MCC: variants seen among roughly 807,000 people sequenced by gnomAD.
MCC encodes the protein MCC regulator of Wnt signaling pathway, also known as colorectal mutant cancer protein.
A neutral mutation model predicts 116.2 loss-of-function variants in MCC; 90 were observed. The ratio of observed to expected loss-of-function variants is 0.77; its 90% CI spans 0.65 to 0.92. MCC has a LOEUF of 0.92. Among genes scored for constraint, MCC ranks in the 40% least tolerant of loss-of-function variants. The pLI, the probability that MCC is intolerant of heterozygous loss-of-function variation, is 0.00. For synonymous variants in MCC, 578 were observed against 510.5 expected (o/e 1.13, Z -1.78); for missense variants, 1,516 against 1,312.2 (o/e 1.16, Z -2.40).
chr5:113,390,809 C>G (rs952938586), intron 1 of MCC, among the ~76,000 whole-genome samples: 2 of 152,156 alleles, frequency 1.3e-5, no homozygotes, highest in Non-Finnish European at 2.9e-5. Flanking sequence ...GTTCGAAATT[C>G]TCAACTAACA....
At position 113,434,532 on chromosome 5, in the gene MCC, T is replaced by C. The variant is rs1770785212; in HGVS notation, c.171-49320A>G. The C allele has an allele frequency of 6.2e-7, 1 of 1,612,418 alleles. No homozygotes were observed. The highest frequency in any genetic ancestry group is 1.3e-5 in the African/African-American group (1 of 74,794). On this transcript the variant is annotated intron_variant, in intron 1 of 18. Coordinates refer to ENST00000408903, the MANE Select transcript of MCC (RefSeq NM_001085377.2). The surrounding 1 kb of genome is among the most constrained non-coding windows in gnomAD (Gnocchi z 4.2). ...GTCCTCATGCAGGGCTCCCCGGGTT[T>C]TGATTAACTCGAGGAGGTCGCCCTG...
intron 1 of MCC, among the ~76,000 whole-genome samples, chr5:113,455,293 C>A (rs1471864533): frequency 6.6e-6 from 1 of 152,156 alleles, no homozygotes; most frequent in Non-Finnish European, 1.5e-5. Flanking sequence ...GCCTGCTAGC[C>A]CATATTTTCT....
chr5:113,480,625 C>G (rs895398126), intron 1 of MCC, among the ~76,000 whole-genome samples: 3 of 152,158 alleles, frequency 2.0e-5, no homozygotes, highest in African/African-American at 7.2e-5. Context: ...TCAATACTTG[C>G]AGAAAGGGTG....
rs1277219606 is a variant in MCC, at chr5:113,194,762, C to T, written c.628-43340G>A. ...TCCCTATGATGAGTGATGAATGCTG[C>T]TCCGTAGAAAGATTTTGGCAATCTT... On this transcript the variant is annotated intron_variant, in intron 3 of 18. Transcript: ENST00000408903. Among the ~76,000 whole-genome samples the T allele has an allele frequency of 2.0e-5, 3 of 152,206 alleles. No homozygotes were observed. In the South Asian group the frequency reaches 6.2e-4, roughly 31 times the overall value.
chr5:113,461,737 G>C (rs1247016783), intron 1 of MCC, among the ~76,000 whole-genome samples: 1 of 106,778 alleles, frequency 9.4e-6, no homozygotes, highest in East Asian at 2.8e-4. Context: ...TGAACAACTT[G>C]CACCAGTAAA....
At chr5:113,172,404 C>T (rs146940763) in intron 3 of MCC, among the ~76,000 whole-genome samples, 166 of 152,354 alleles carry the variant, frequency 1.1e-3, no homozygotes, top group Non-Finnish European at 1.8e-3. Flanking sequence ...ATTTTCCCTT[C>T]TCACTGTACT....
At chr5:113,214,437 T>C (rs143118262) in intron 3 of MCC, among the ~76,000 whole-genome samples, 7 of 152,310 alleles carry the variant, frequency 4.6e-5, no homozygotes, top group Non-Finnish European at 8.8e-5. Flanking sequence ...CATGGAACAA[T>C]GGTAGATCCT....
intron 3 of MCC, among the ~76,000 whole-genome samples, chr5:113,282,585 T>C (rs975792349): frequency 1.3e-5 from 2 of 152,166 alleles, no homozygotes; most frequent in African/African-American, 4.8e-5. Flanking sequence ...TATTCTAAGC[T>C]GGAAATAAAA....
intron 3 of MCC, among the ~76,000 whole-genome samples, chr5:113,230,667 C>T (rs1763907131): frequency 6.6e-6 from 1 of 152,134 alleles, no homozygotes; most frequent in African/African-American, 2.4e-5. Context: ...GTTTACTCTT[C>T]CTATATTTGG....
intron 1 of MCC, among the ~76,000 whole-genome samples, chr5:113,484,848 T>C (rs759960489): frequency 3.9e-5 from 6 of 152,190 alleles, no homozygotes; most frequent in Admixed American, 1.3e-4. Context: ...CCTTCTATAA[T>C]ATGGTATGCA....
rs6897992 is a variant in MCC at position 113,152,024 on chromosome 5, G to A, written c.628-602C>T. 5.2e-3 allele frequency among the ~76,000 whole-genome samples: 798 copies of A among 152,252 alleles called. 6 individuals are homozygous for A. Among genetic ancestry groups the A allele is most frequent in the South Asian group, 0.012 (56 of 4,814 alleles). On this transcript the variant is annotated intron_variant, in intron 3 of 18. Coordinates refer to ENST00000408903, the MANE Select transcript of MCC (RefSeq NM_001085377.2). Reference sequence around the variant, plus strand: ...CCCACTTCCCCCGAAAGGCTGTACTGGCCAGACAGATGCTTATGTGCTAGC... The same window carrying A: ...CCCACTTCCCCCGAAAGGCTGTACTAGCCAGACAGATGCTTATGTGCTAGC...
chr5:113,222,114 G>T (rs1763573415), intron 3 of MCC, among the ~76,000 whole-genome samples: 1 of 152,102 alleles, frequency 6.6e-6, no homozygotes, highest in Non-Finnish European at 1.5e-5. Context: ...AGTTTTGAGG[G>T]TTTTAATTTT....
At chr5:113,408,208 G>C (rs1409710014) in intron 1 of MCC, among the ~76,000 whole-genome samples, 1 of 152,052 alleles carries the variant, frequency 6.6e-6, no homozygotes, top group Non-Finnish European at 1.5e-5. Context: ...TACCCCTTAG[G>C]TCTAAGATAG....
At chr5:113,091,498 T>A (rs370220145) in intron 8 of MCC, among the ~76,000 whole-genome samples, 25 of 152,300 alleles carry the variant, frequency 1.6e-4, no homozygotes, top group Non-Finnish European at 3.4e-4. Flanking sequence ...CACATCACAA[T>A]AGGTACACTG....
intron 17 of MCC, among the ~76,000 whole-genome samples, chr5:113,033,595 AAAGC>A (rs1751112221): frequency 6.6e-6 from 1 of 152,206 alleles, no homozygotes. Flanking sequence ...CACAAATGAG[AAAGC>A]AAAAATTCAA....
At chr5:113,031,227 C>G (rs1407541411) in intron 17 of MCC, among the ~76,000 whole-genome samples, 4 of 152,178 alleles carry the variant, frequency 2.6e-5, no homozygotes, top group Non-Finnish European at 4.4e-5. Flanking sequence ...GCCCAGAACT[C>G]ATTTTTCAGT....
chr5:113,248,663 T>C (rs112135055), intron 3 of MCC, among the ~76,000 whole-genome samples: 2 of 152,166 alleles, frequency 1.3e-5, no homozygotes, highest in African/African-American at 4.8e-5. Flanking sequence ...GTCTGGTTCG[T>C]CCAACATATT....
At chr5:113,267,001 A>C (rs1765447018) in intron 3 of MCC, among the ~76,000 whole-genome samples, 1 of 152,136 alleles carries the variant, frequency 6.6e-6, no homozygotes, top group Admixed American at 6.5e-5. Flanking sequence ...GCAAATAATA[A>C]ATTGGGTCAG....
chr5:113,325,018 T>C (rs1767517919), intron 3 of MCC, among the ~76,000 whole-genome samples: 1 of 151,130 alleles, frequency 6.6e-6, no homozygotes, highest in Non-Finnish European at 1.5e-5. Context: ...AAAAAAAATC[T>C]CAGTAAAGGC....
Sources: gnomAD v4.1 joint callset for allele counts (sites outside exome capture counted in the v4.1 genomes callset) on GRCh38, gnomAD v4.1.1 for gene constraint, Gnocchi (gnomAD v3.1) non-coding constraint, MANE v1.5 for transcripts, NCBI Gene and HGNC (gene_info 2026-07-23, HGNC 2026-07-21) for gene names.